Variants in SCAPER observed in about 807,000 individuals in gnomAD.
SCAPER encodes the protein S-phase cyclin A associated protein in the ER, also known as S phase cyclin A-associated protein in the endoplasmic reticulum.
SCAPER carries 98 observed loss-of-function variants against 182.2 expected under a neutral mutation model. The ratio of observed to expected loss-of-function variants is 0.54; its 90% CI spans 0.46 to 0.64. SCAPER has a LOEUF of 0.64. Among genes scored for constraint, SCAPER ranks in the 30% least tolerant of loss-of-function variants. SCAPER has a pLI of 0.00. For missense variants in SCAPER, 1,432 were observed against 1,690.0 expected (o/e 0.85, Z 2.68); for synonymous variants, 605 against 564.6 (o/e 1.07, Z -1.01).
At chr15:76,518,704 G>A (rs1229335256) in intron 23 of SCAPER, among the ~76,000 whole-genome samples, 1 of 152,180 alleles carries the variant, frequency 6.6e-6, no homozygotes, top group African/African-American at 2.4e-5. Flanking sequence ...AGTGCAGCAA[G>A]GAAGAAGGTA....
intron 17 of SCAPER, among the ~76,000 whole-genome samples, chr15:76,720,254 G>A (rs2060138406): frequency 6.6e-6 from 1 of 152,198 alleles, no homozygotes; most frequent in East Asian, 1.9e-4. Flanking sequence ...CAAAGGACAT[G>A]AACTCATCAT....
chr15:76,425,086 A>G (rs1243244687), intron 26 of SCAPER, among the ~76,000 whole-genome samples: 1 of 152,028 alleles, frequency 6.6e-6, no homozygotes. Flanking sequence ...GAATCTGACA[A>G]TTATGTGTCT....
intron 21 of SCAPER, among the ~76,000 whole-genome samples, chr15:76,629,501 G>A (rs1017929163): frequency 6.6e-6 from 1 of 152,208 alleles, no homozygotes; most frequent in Admixed American, 6.5e-5. Context: ...GGCCTTTTCT[G>A]TGTCTATTGA....
intron 20 of SCAPER, among the ~76,000 whole-genome samples, chr15:76,681,843 G>T (rs1369423798): frequency 6.6e-6 from 1 of 152,168 alleles, no homozygotes; most frequent in East Asian, 1.9e-4. Flanking sequence ...TTTGGTGTGG[G>T]AACGTCTGCA....
intron 4 of SCAPER, among the ~76,000 whole-genome samples, chr15:76,853,829 A>G (rs1439783094): frequency 6.6e-6 from 1 of 152,212 alleles, no homozygotes; most frequent in Non-Finnish European, 1.5e-5. Flanking sequence ...CCATCAGGCA[A>G]GAGAAAAAAA....
chr15:76,350,772 T>C (rs1246425361), intron 31 of SCAPER: 1 of 152,498 alleles, frequency 6.6e-6, no homozygotes, highest in East Asian at 1.9e-4. Flanking sequence ...TGTAAAACAA[T>C]TATTTTCAAA....
intron 14 of SCAPER, among the ~76,000 whole-genome samples, chr15:76,759,517 TCTC>T (rs1199882668): frequency 1.3e-5 from 2 of 152,074 alleles, no homozygotes; most frequent in Non-Finnish European, 2.9e-5. Flanking sequence ...TATAACCTAA[TCTC>T]CTCCTAAAGA....
chr15:76,398,827 G>A (rs2044258873), intron 27 of SCAPER, among the ~76,000 whole-genome samples: 1 of 152,186 alleles, frequency 6.6e-6, no homozygotes, highest in Non-Finnish European at 1.5e-5. Context: ...CAGTGTAGTT[G>A]TAAGGATTGC....
chr15:76,817,784 CTATAT>C lies in SCAPER; in HGVS notation c.394-13156_394-13152del, dbSNP rs2067206917. 2.0e-5 allele frequency among the ~76,000 whole-genome samples: 3 copies of C among 151,924 alleles called. No individual in the cohort carries two copies. The South Asian group carries it at 6.3e-4, about 32-fold the overall frequency. ...AAAACTAACAAAATATGTATAAGAT[CTATAT>C]TAGGAAAACAACAAAACTCTGATAA... On this transcript the variant is annotated intron_variant, in intron 5 of 31. Transcript: ENST00000563290.
At chr15:76,651,617 G>C (rs966144298) in intron 21 of SCAPER, among the ~76,000 whole-genome samples, 1 of 116,456 alleles carries the variant, frequency 8.6e-6, no homozygotes, top group African/African-American at 3.2e-5. Flanking sequence ...TAGTAACAAA[G>C]AACCTACCAA....
intron 16 of SCAPER, among the ~76,000 whole-genome samples, chr15:76,732,015 G>A (rs2060949046): frequency 6.6e-6 from 1 of 152,212 alleles, no homozygotes; most frequent in Non-Finnish European, 1.5e-5. Flanking sequence ...AGTTGAAGCT[G>A]ATGATTCTAT....
chr15:76,837,928 G>A (rs574124037), intron 5 of SCAPER, among the ~76,000 whole-genome samples: 3 of 152,284 alleles, frequency 2.0e-5, no homozygotes, highest in Non-Finnish European at 2.9e-5. Context: ...GTAGAGAAAA[G>A]GGAATGCTTA....
At chr15:76,610,668 C>T (rs759681852) in intron 22 of SCAPER, among the ~76,000 whole-genome samples, 1 of 152,016 alleles carries the variant, frequency 6.6e-6, no homozygotes, top group Non-Finnish European at 1.5e-5. Flanking sequence ...ATTGGAATAA[C>T]AATTCCATTT....
chr15:76,729,814 A>G (rs2060813361), intron 16 of SCAPER, among the ~76,000 whole-genome samples: 1 of 152,190 alleles, frequency 6.6e-6, no homozygotes, highest in Non-Finnish European at 1.5e-5. Flanking sequence ...TCAAGCCAGA[A>G]GATAAATCAT....
chr15:76,590,202 C>T (rs1257048830), intron 22 of SCAPER, among the ~76,000 whole-genome samples: 1 of 152,190 alleles, frequency 6.6e-6, no homozygotes, highest in African/African-American at 2.4e-5. Context: ...GTCCCGCCTC[C>T]TATCTGCCAT....
chr15:76,689,106 T>C lies in SCAPER; in HGVS notation c.2508+12652A>G, dbSNP rs551718115. Among the ~76,000 whole-genome samples the C allele has an allele frequency of 4.6e-3, 693 of 152,034 alleles. 7 individuals are homozygous for C. Among genetic ancestry groups the C allele is most frequent in the African/African-American group, 0.016 (660 of 41,504 alleles). ...CTAGTGATCCGCCCGCCTCAGCCTT[T>C]CAAAGTGCTGGGATTACAGGCATGA... On this transcript the variant is annotated intron_variant, in intron 20 of 31. Transcript: ENST00000563290.
chr15:76,843,425 G>C (rs527278956), intron 4 of SCAPER, among the ~76,000 whole-genome samples: 1 of 152,114 alleles, frequency 6.6e-6, no homozygotes. Context: ...AGACTGAATT[G>C]CCTGACAAAG....
chr15:76,579,607 G>C (rs1415081241), intron 22 of SCAPER, among the ~76,000 whole-genome samples: 1 of 150,558 alleles, frequency 6.6e-6, no homozygotes. Context: ...ATGAGAAAGA[G>C]AGAAAGGAAG....
In SCAPER at chr15:76,766,946, A is replaced by T; in HGVS notation, c.1391T>A (p.Ile464Asn). Residue 464 changes from isoleucine to asparagine, a missense_variant, in exon 11 of 32, where the codon ATT becomes AAT. Physicochemically the swap from Ile to Asn is moderately radical, Grantham distance 149. Around this residue, in one of 5 missense-constraint regions of SCAPER, gnomAD observed 128 missense variants for 149.9 expected, o/e 0.85. Transcript: ENST00000563290. ...AAAATCACTGTCGTTGTCAGTTTCA[A>T]TGTTAATATCATTGTTTTCTTCAGC... ...IEAEENNDINIETDNDSDFSA... is the reference protein window; with the variant it reads ...IEAEENNDINNETDNDSDFSA... 4 of 1,605,814 alleles carry T rather than the reference A, an allele frequency of 2.5e-6. No homozygotes were observed. The highest frequency in any genetic ancestry group is 3.4e-6 in the Non-Finnish European group (4 of 1,177,696).
Sources: allele counts gnomAD v4.1 joint callset (sites outside exome capture counted in the v4.1 genomes callset), GRCh38; gene constraint gnomAD v4.1.1; regional missense constraint gnomAD v4.1.1; transcripts MANE v1.5; gene names NCBI Gene and HGNC (gene_info 2026-07-23, HGNC 2026-07-21).